CRTC2: variants seen among roughly 807,000 people sequenced by gnomAD.
CRTC2 encodes the protein CREB regulated transcription coactivator 2, also known as CREB-regulated transcription coactivator 2.
A neutral mutation model predicts 70.9 loss-of-function variants in CRTC2; 25 were observed. The ratio of observed to expected loss-of-function variants is 0.35; its 90% CI spans 0.26 to 0.49. The LOEUF (loss-of-function observed/expected upper bound fraction) is 0.49. CRTC2 is among the 20% of genes least tolerant of loss of function. The pLI is 0.98. For missense variants in CRTC2, 737 were observed against 882.6 expected, an observed-to-expected ratio of 0.83 and a Z score of 2.09; for synonymous variants, 330 against 364.1, an observed-to-expected ratio of 0.91 and a Z score of 1.07.
At chr1:153,957,951 G>C in intron 1 of CRTC2, 19 of 850,234 alleles carry the variant, frequency 2.2e-5, no homozygotes, top group Non-Finnish European at 2.8e-5. Flanking sequence ...AAACTCAGAG[G>C]AGCCAGGTTA....
chr1:153,958,558 T>G lies in CRTC2; in HGVS notation c.-61A>C. On this transcript the variant is annotated 5_prime_UTR_variant, in exon 1 of 14. Transcript: ENST00000368633. Reference sequence around the variant, plus strand: ...ACCAGCCGCGGCCTCCGCCGCGGCCTCGGCCCGGCTCCTCCAGCCGTAGCC... The same window carrying G: ...ACCAGCCGCGGCCTCCGCCGCGGCCGCGGCCCGGCTCCTCCAGCCGTAGCC... The G allele has an allele frequency of 6.8e-7, 1 of 1,463,202 alleles. No homozygotes were observed. Among genetic ancestry groups the G allele is most frequent in the South Asian group, 1.3e-5 (1 of 77,470 alleles). The allele number at this position is 1,463,202 out of a possible 1,614,324, so 90.6% of individuals were successfully genotyped here.
At chr1:153,953,485 G>T in intron 5 of CRTC2, 53 bp downstream of exon 5, 1 of 1,560,674 alleles carries the variant, frequency 6.4e-7, no homozygotes, top group South Asian at 1.1e-5. Context: ...AGGGAGCAGG[G>T]CCCCAGAAAC....
chr1:153,957,400 C>T (rs1680675772), intron 1 of CRTC2, among the ~76,000 whole-genome samples: 1 of 152,162 alleles, frequency 6.6e-6, no homozygotes, highest in Non-Finnish European at 1.5e-5. Flanking sequence ...TCCTTACCTA[C>T]TGTTGTTTTA....
chr1:153,951,647 G>A lies in CRTC2; in HGVS notation c.1017C>T (p.Ser339=). 6.2e-7 allele frequency: 1 copy of A among 1,613,632 alleles called. No individual in the cohort carries two copies. ...TTAGGGAGGACTGCAGGGATGGGTGGCTGAGAGGTGAATGAAGTCCTGCAG... is the reference window on the plus strand; with the variant it reads ...TTAGGGAGGACTGCAGGGATGGGTGACTGAGAGGTGAATGAAGTCCTGCAG... The part of the protein sequence containing the change: ...YDAPGLHSPL[S]HPSLQSSLSN... The change falls in exon 11 of 14, where the codon AGC becomes AGT. Residue 339 remains serine, a synonymous_variant. Transcript: ENST00000368633.
rs753229329 is a variant in CRTC2 at position 153,948,301 on chromosome 1, C to T, written c.1890G>A (p.Glu630=). ...GCACTCCGGCCAGGGCTGCTGCAAT[C>T]TCCTTAGAGAAACCTGGAGAGGAGT... The part of the protein sequence containing the change: ...TGDSSPGFSK[E]IAAALAGVPG... Residue 630 remains glutamate (E), a synonymous_variant, in exon 14 of 14, where the codon GAG becomes GAA. Transcript: ENST00000368633. 1.3e-5 allele frequency: 21 copies of T among 1,614,156 alleles called. No homozygotes were observed. In the Admixed American group the frequency reaches 1.5e-4, roughly 12 times the overall value.
rs1345139034 is a variant in CRTC2, at chr1:153,947,985, C to T, written c.*124G>A. 1.0e-6 allele frequency: 1 copy of T among 990,094 alleles called. No individual in the cohort carries two copies. The highest frequency in any genetic ancestry group is 1.6e-5 in the African/African-American group (1 of 62,204). 61.3% of individuals were successfully genotyped at this position (990,094 alleles called of 1,614,324 possible). A position where few individuals can be genotyped will look rare whatever the true frequency, so the allele number is the denominator to read the frequency against. ...CCTTGCTTTTTCTCATTCTTGGCAT[C>T]CTTCATTCATGCTAGAAAGAGGATC... On this transcript the variant is annotated 3_prime_UTR_variant, in exon 14 of 14. Transcript: ENST00000368633.
rs776060488 is a variant in CRTC2 at position 153,951,629 on chromosome 1, G to A, written c.1035C>T (p.Ser345=). The A allele has an allele frequency of 1.2e-5, 20 of 1,613,566 alleles. No homozygotes were observed. Among genetic ancestry groups the A allele is most frequent in the Non-Finnish European group, 1.7e-5 (20 of 1,179,818 alleles). The change falls in exon 11 of 14, where the codon TCC becomes TCT. Residue 345 remains serine, a synonymous_variant. Transcript: ENST00000368633. ...CCTGGAGGTTGGGATTGCTTAGGGAGGACTGCAGGGATGGGTGGCTGAGAG... is the reference window on the plus strand; with the variant it reads ...CCTGGAGGTTGGGATTGCTTAGGGAAGACTGCAGGGATGGGTGGCTGAGAG... ...HSPLSHPSLQ[S]SLSNPNLQAS...
chr1:153,958,352 G>A lies in CRTC2; in HGVS notation c.146C>T (p.Ser49Phe). The change falls in exon 1 of 14, where the codon TCC becomes TTC. Residue 49 changes from serine to phenylalanine, a missense_variant. Ser to Phe is a radical substitution (Grantham distance 155). This residue lies in a region of CRTC2 where 699 missense variants were observed against 823.7 expected (regional missense o/e 0.85). Coordinates refer to ENST00000368633, the MANE Select transcript of CRTC2 (RefSeq NM_181715.3). Reference protein sequence around the residue: ...AFEEVMMDIGSTRLQAQKLRL... With the variant: ...AFEEVMMDIGFTRLQAQKLRL... ...CCCGGCGCGGCCCCTCACCCGGGTG[G>A]AGCCGATGTCCATCATCACCTCCTC... 6.2e-7 allele frequency: 1 copy of A among 1,612,202 alleles called. No homozygotes were observed.
chr1:153,953,660 T>C, intron 4 of CRTC2, 54 bp from the exon 5 acceptor site: 1 of 1,344,566 alleles, frequency 7.4e-7, no homozygotes, highest in Non-Finnish European at 1.0e-6. Flanking sequence ...GACAAGAAGG[T>C]GGGCATAGGG....
At chr1:153,958,129 G>A in intron 1 of CRTC2, 2 of 1,395,164 alleles carry the variant, frequency 1.4e-6, no homozygotes, top group Non-Finnish European at 1.9e-6. Context: ...GCCCCCAGTC[G>A]CCTCTACACC....
chr1:153,954,962 A>T lies in CRTC2; in HGVS notation c.283T>A (p.Ser95Thr). The T allele has an allele frequency of 6.2e-7, 1 of 1,614,134 alleles. No homozygotes were observed. Among genetic ancestry groups the T allele is most frequent in the Admixed American group, 1.7e-5 (1 of 60,030 alleles). The change falls in exon 3 of 14, where the codon TCT becomes ACT. Residue 95 changes from serine (S) to threonine (T), a missense_variant. Physicochemically the swap from Ser to Thr is moderately conservative, Grantham distance 58. This residue lies in a region of CRTC2 where 699 missense variants were observed against 823.7 expected (regional missense o/e 0.85). Transcript: ENST00000368633. ...AGCCCATGGTGCCGAGTGCTCCGAG[A>T]TGAATCCAAAGGTGAGTGGAGGGGG... is the stretch of plus-strand genomic sequence containing the variant. ...QSPLHSPLDS[S>T]RSTRHHGLVE...
chr1:153,957,758 C>A (rs1433747070), intron 1 of CRTC2, among the ~76,000 whole-genome samples: 1 of 152,124 alleles, frequency 6.6e-6, no homozygotes, highest in Non-Finnish European at 1.5e-5. Context: ...AAGCAATGGA[C>A]CTCACCTTCA....
chr1:153,951,226 G>GAGAC (rs1680296993), intron 11 of CRTC2, 34 bp downstream of exon 11: 1 of 1,606,822 alleles, frequency 6.2e-7, no homozygotes. Flanking sequence ...AAAGGGAAGG[G>GAGAC]AGACAGACAT....
In CRTC2 at chr1:153,951,296, C is replaced by G; in HGVS notation, c.1368G>C (p.Ser456=). 1 of 1,613,906 alleles carries G rather than the reference C, an allele frequency of 6.2e-7. No homozygotes were observed. The highest frequency in any genetic ancestry group is 8.5e-7 in the Non-Finnish European group (1 of 1,179,992). The change falls in exon 11 of 14, where the codon TCG becomes TCC. Residue 456 remains serine (S), a synonymous_variant. Coordinates refer to ENST00000368633, the MANE Select transcript of CRTC2 (RefSeq NM_181715.3). ...AAGACAAGGTGGGTGACATTGTTGG[C>G]GAAAACTGTTTGGGCAGCTGCTGTT... is the stretch of plus-strand genomic sequence containing the variant. ...RSQQQLPKQF[S]PTMSPTLSSI... is the part of the protein sequence containing the mutation.
At chr1:153,949,485 C>A in intron 11 of CRTC2, 101 bp from the exon 12 acceptor site, 1 of 1,271,222 alleles carries the variant, frequency 7.9e-7, no homozygotes, top group Non-Finnish European at 1.1e-6. Flanking sequence ...ATTCCCAAAA[C>A]AAACATGACA....
rs1471573843 is a variant in CRTC2 at position 153,957,552 on chromosome 1, T to C, written c.153+793A>G. 1.3e-5 allele frequency among the ~76,000 whole-genome samples: 2 copies of C among 152,136 alleles called. 1 individual carries two copies. The highest frequency in any genetic ancestry group is 1.3e-4 in the Admixed American group (2 of 15,302). ...GCCTGGCAGAGGCCTGAAAGTTCTTTCAAGAACTCCTAGGAATGAATATTC... is the reference window on the plus strand; with the variant it reads ...GCCTGGCAGAGGCCTGAAAGTTCTTCCAAGAACTCCTAGGAATGAATATTC... On this transcript the variant is annotated intron_variant, in intron 1 of 13. Coordinates refer to ENST00000368633, the MANE Select transcript of CRTC2 (RefSeq NM_181715.3).
chr1:153,948,424 C>T (rs1680136343), intron 13 of CRTC2, 34 bp downstream of exon 13: 1 of 1,608,060 alleles, frequency 6.2e-7, no homozygotes, highest in Admixed American at 1.7e-5. Context: ...TCACTTCCTC[C>T]TTCCATTTCC....
Position 153,949,315 on chromosome 1 carries a change from T to A in CRTC2, c.1474A>T (p.Ser492Cys), listed in dbSNP as rs773347420. The A allele has an allele frequency of 1.2e-6, 2 of 1,613,818 alleles. No individual in the cohort carries two copies. Among genetic ancestry groups the A allele is most frequent in the African/African-American group, 2.7e-5 (2 of 74,886 alleles). ...RLPPYPYSSPSLVLPTQPHTP... is the reference protein window; with the variant it reads ...RLPPYPYSSPCLVLPTQPHTP... Reference sequence around the variant, plus strand: ...TGGGGCTGGGTAGGCAGAACCAGACTTGGGGAGCTGTATGGGTATGGGGGT... The same window carrying A: ...TGGGGCTGGGTAGGCAGAACCAGACATGGGGAGCTGTATGGGTATGGGGGT... The change falls in exon 12 of 14, where the codon AGT becomes TGT. Residue 492 changes from serine to cysteine, a missense_variant. This residue lies in a region of CRTC2 where 699 missense variants were observed against 823.7 expected (regional missense o/e 0.85). Transcript: ENST00000368633.
Position 153,948,097 on chromosome 1 carries a change from G to A in CRTC2, c.*12C>T, listed in dbSNP as rs1033331886. ...GGATGGGGCCAAGAAGAGGGATGGT[G>A]ATGAGGTGCCCTCATTGGAGCCGGT... On this transcript the variant is annotated 3_prime_UTR_variant, in exon 14 of 14. Coordinates refer to ENST00000368633, the MANE Select transcript of CRTC2 (RefSeq NM_181715.3). 6.2e-7 allele frequency: 1 copy of A among 1,611,532 alleles called. No individual in the cohort carries two copies. The highest frequency in any genetic ancestry group is 1.7e-5 in the Admixed American group (1 of 60,014).
Sources: gnomAD v4.1 joint callset for allele counts (sites outside exome capture counted in the v4.1 genomes callset) on GRCh38, gnomAD v4.1.1 for gene constraint, gnomAD v4.1.1 regional missense constraint, MANE v1.5 for transcripts, NCBI Gene and HGNC (gene_info 2026-07-23, HGNC 2026-07-21) for gene names.